Variants in WDPCP observed in about 807,000 individuals in gnomAD.
WDPCP encodes WD repeat containing planar cell polarity effector.
WDPCP carries 71 observed loss-of-function variants against 93.1 expected under a neutral mutation model. That is an observed-to-expected ratio of 0.76 (90% CI 0.63 to 0.93). The LOEUF (loss-of-function observed/expected upper bound fraction) is 0.93, where lower values mean the gene tolerates loss of function less well. Among genes scored for constraint, WDPCP ranks in the 40% least tolerant of loss-of-function variants. The probability of loss-of-function intolerance (pLI) is 0.00; values close to 1 mark genes in which losing one functional copy is unlikely to be tolerated. For synonymous variants in WDPCP, 315 were observed against 315.0 expected (o/e 1.00, Z 0.00); for missense variants, 844 against 887.4 (o/e 0.95, Z 0.62).
At chr2:63,226,082 C>T (rs898392464) in intron 14 of WDPCP, among the ~76,000 whole-genome samples, 3 of 151,894 alleles carry the variant, frequency 2.0e-5, no homozygotes, top group African/African-American at 7.2e-5. Flanking sequence ...ATCAACTCAT[C>T]TACCCATACT....
chr2:63,530,209 G>T (rs1465157463), intron 1 of WDPCP, among the ~76,000 whole-genome samples: 1 of 151,946 alleles, frequency 6.6e-6, no homozygotes, highest in Non-Finnish European at 1.5e-5. Context: ...CTTCAATTCT[G>T]CTCTGATCTT....
At chr2:63,642,292 G>A (rs1442401709) in intron 3 of WDPCP, among the ~76,000 whole-genome samples, 1 of 151,990 alleles carries the variant, frequency 6.6e-6, no homozygotes, top group Non-Finnish European at 1.5e-5. Context: ...GATTTGATTA[G>A]TGTGGGTTTT....
intron 12 of WDPCP, among the ~76,000 whole-genome samples, chr2:63,325,099 T>C (rs568612410): frequency 2.0e-5 from 3 of 152,060 alleles, no homozygotes; most frequent in African/African-American, 7.2e-5. Context: ...AACCTCGGGG[T>C]TCTATAATAG....
intron 12 of WDPCP, among the ~76,000 whole-genome samples, chr2:63,354,037 T>C (rs1437416031): frequency 6.6e-6 from 1 of 151,996 alleles, no homozygotes; most frequent in East Asian, 1.9e-4. Context: ...ACTGAAAGCC[T>C]CTCTGCCACT....
At chr2:63,514,860 T>C (rs534873774) in intron 1 of WDPCP, among the ~76,000 whole-genome samples, 12 of 152,276 alleles carry the variant, frequency 7.9e-5, no homozygotes, top group African/African-American at 2.6e-4. Context: ...ATATGAACTA[T>C]CAATTATTCT....
chr2:63,418,970 T>C (rs1695637380), intron 9 of WDPCP, among the ~76,000 whole-genome samples: 1 of 152,180 alleles, frequency 6.6e-6, no homozygotes, highest in South Asian at 2.1e-4. Flanking sequence ...GTTTTGTTTT[T>C]CTTGTTTGTT....
At chr2:63,809,919 T>A (rs4608501) in intron 2 of WDPCP, among the ~76,000 whole-genome samples, 112,741 of 151,882 alleles carry the variant, frequency 0.74, 42,263 homozygotes, top group East Asian at 0.9. Context: ...AAAAAATAAA[T>A]AAATAAATAA....
intron 12 of WDPCP, among the ~76,000 whole-genome samples, chr2:63,368,097 C>T (rs1033598738): frequency 3.9e-5 from 6 of 151,994 alleles, no homozygotes; most frequent in Admixed American, 6.6e-5. Context: ...CCAGAATCTA[C>T]AGCAAGCTGA....
At chr2:63,797,751 T>G (rs934608558) in intron 2 of WDPCP, among the ~76,000 whole-genome samples, 2 of 151,920 alleles carry the variant, frequency 1.3e-5, no homozygotes, top group Non-Finnish European at 2.9e-5. Flanking sequence ...GAGGTAGGAA[T>G]AGAAGGTTTA....
chr2:63,172,548 A>G (rs1174780451), intron 15 of WDPCP, among the ~76,000 whole-genome samples: 1 of 151,514 alleles, frequency 6.6e-6, no homozygotes. Flanking sequence ...TAGGACTTCT[A>G]GGTAGCTGAA....
intron 6 of WDPCP, among the ~76,000 whole-genome samples, chr2:63,451,757 G>A (rs1355340477): frequency 2.0e-5 from 3 of 152,026 alleles, no homozygotes; most frequent in Non-Finnish European, 4.4e-5. Context: ...TGATCAAGTG[G>A]GCTTCATCCC....
intron 15 of WDPCP, among the ~76,000 whole-genome samples, chr2:63,163,807 A>C (rs1672789873): frequency 6.6e-6 from 1 of 152,166 alleles, no homozygotes; most frequent in Non-Finnish European, 1.5e-5. Context: ...TAAACACTGA[A>C]AATTTTCATC....
At chr2:63,351,019 TTGCCCAGGCTAGAG>T (rs1276851080) in intron 12 of WDPCP, among the ~76,000 whole-genome samples, 2 of 151,890 alleles carry the variant, frequency 1.3e-5, no homozygotes, top group Admixed American at 1.3e-4. Context: ...TCTCACTCTG[TTGCCCAGGCTAGAG>T]TGCAATGGCT....
intron 13 of WDPCP, among the ~76,000 whole-genome samples, chr2:63,291,368 C>T (rs1402766433): frequency 1.3e-5 from 2 of 152,186 alleles, no homozygotes; most frequent in Admixed American, 6.5e-5. Flanking sequence ...ATGGCAGCTG[C>T]ACCAGAGAGT....
chr2:63,498,703 T>C (rs762899521), intron 1 of WDPCP, among the ~76,000 whole-genome samples: 32 of 152,286 alleles, frequency 2.1e-4, no homozygotes, highest in Middle Eastern at 3.4e-3. Flanking sequence ...AGTTCCCCGG[T>C]TTCTTAAGTC....
At chr2:63,599,320 G>A in intron 3 of WDPCP, 1 of 1,592,278 alleles carries the variant, frequency 6.3e-7, no homozygotes, top group South Asian at 1.1e-5. Flanking sequence ...TAAATCTTGT[G>A]GTTGTTCAAC....
At chr2:63,380,985 A>G (rs749778539) in intron 11 of WDPCP, among the ~76,000 whole-genome samples, 1 of 152,144 alleles carries the variant, frequency 6.6e-6, no homozygotes, top group Non-Finnish European at 1.5e-5. Context: ...AAATCTATAA[A>G]AATGCAAAGA....
chr2:63,588,719 C>T (rs1487732077), upstream of WDPCP: 1 of 495,516 alleles, frequency 2.0e-6, no homozygotes, highest in Non-Finnish European at 3.7e-6. Context: ...CCTCCTGAGC[C>T]CAAACCATCC....
At chr2:63,247,197 T>C (rs1574974087) in intron 14 of WDPCP, among the ~76,000 whole-genome samples, 2 of 152,246 alleles carry the variant, frequency 1.3e-5, no homozygotes, top group East Asian at 3.9e-4. Flanking sequence ...CCCAGAAAAA[T>C]AAAATGCCCT....
Sources: allele counts gnomAD v4.1 joint callset (sites outside exome capture counted in the v4.1 genomes callset), GRCh38; gene constraint gnomAD v4.1.1; transcripts MANE v1.5; gene names NCBI Gene and HGNC (gene_info 2026-07-23, HGNC 2026-07-21).